The following MYL4 variants were observed in gnomAD, a reference collection of about 807,000 sequenced individuals.
MYL4 encodes the protein atrial myosin light chain 1.
In MYL4, 16 loss-of-function variants were observed where a neutral mutation model predicts 21.6. The ratio of observed to expected loss-of-function variants is 0.74; its 90% CI spans 0.50 to 1.12. The LOEUF (loss-of-function observed/expected upper bound fraction) is 1.12, where lower values mean the gene tolerates loss of function less well. MYL4 is among the 50% of genes most tolerant of loss of function. The pLI is 0.00. For synonymous variants in MYL4, 82 were observed against 95.7 expected (o/e 0.86, Z 0.83); for missense variants, 249 against 252.9 (o/e 0.98, Z 0.11).
At chr17:47,212,589 T>G (rs764860968) in intron 1 of MYL4, among the ~76,000 whole-genome samples, 2 of 152,202 alleles carry the variant, frequency 1.3e-5, no homozygotes, top group Non-Finnish European at 2.9e-5. Context: ...GCTTTTATGT[T>G]TGAGTCTAGA....
chr17:47,201,424 G>A (rs16941650), intron 1 of MYL4, among the ~76,000 whole-genome samples: 36,801 of 151,490 alleles, frequency 0.24, 4,710 homozygotes, highest in Non-Finnish European at 0.27. Flanking sequence ...TCCATGCAAC[G>A]CCTTTCTTGT....
At chr17:47,222,576 C>A in intron 5 of MYL4, 119 bp downstream of exon 5, 1 of 816,448 alleles carries the variant, frequency 1.2e-6, no homozygotes, top group South Asian at 1.6e-5. Context: ...GTAGACCCCC[C>A]ATTGGATGTT....
At chr17:47,221,600 G>A in intron 3 of MYL4, 82 bp from the exon 4 acceptor site, 1 of 1,497,032 alleles carries the variant, frequency 6.7e-7, no homozygotes, top group Non-Finnish European at 9.0e-7. Context: ...GTCAGACTTG[G>A]GGTGAGGCCC....
At chr17:47,203,487 T>C (rs1418192916) in intron 1 of MYL4, among the ~76,000 whole-genome samples, 1 of 152,184 alleles carries the variant, frequency 6.6e-6, no homozygotes, top group Admixed American at 6.5e-5. Flanking sequence ...TATCTGCTTG[T>C]TTTTTAAAAA....
chr17:47,204,491 C>T (rs2064720079), upstream of MYL4, among the ~76,000 whole-genome samples: 1 of 152,148 alleles, frequency 6.6e-6, no homozygotes, highest in African/African-American at 2.4e-5. Flanking sequence ...CATGTGCCAC[C>T]TGTATTAACT....
At chr17:47,191,628 G>A in the MYL4 span, among the ~76,000 whole-genome samples, 11 of 152,008 alleles carry the variant, frequency 7.2e-5, no homozygotes, top group African/African-American at 2.4e-4. Flanking sequence ...GCACCACCAC[G>A]CCCGGTTAAT....
At chr17:47,213,378 C>T (rs2064790005) in intron 1 of MYL4, among the ~76,000 whole-genome samples, 1 of 152,130 alleles carries the variant, frequency 6.6e-6, no homozygotes, top group Non-Finnish European at 1.5e-5. Context: ...ATGCTCAAGT[C>T]TCCTATATAA....
At chr17:47,213,440 C>A (rs190761577) in intron 1 of MYL4, among the ~76,000 whole-genome samples, 3 of 152,310 alleles carry the variant, frequency 2.0e-5, no homozygotes, top group South Asian at 2.1e-4. Flanking sequence ...TAATTTAAAT[C>A]ATCTCTAGGT....
upstream of MYL4, among the ~76,000 whole-genome samples, chr17:47,207,282 G>A (rs184614355): frequency 7.2e-5 from 11 of 152,312 alleles, no homozygotes; most frequent in Middle Eastern, 3.4e-3. Flanking sequence ...AGGAGGAGCA[G>A]TGAAGAGCAG....
chr17:47,223,705 T>A (rs935570017), downstream of MYL4: 3 of 152,286 alleles, frequency 2.0e-5, no homozygotes, highest in South Asian at 2.1e-4. Context: ...TTTGTTTTTT[T>A]AAAACTAATT....
At chr17:47,211,736 T>C (rs902448469) in intron 1 of MYL4, among the ~76,000 whole-genome samples, 24 of 151,950 alleles carry the variant, frequency 1.6e-4, no homozygotes, top group Non-Finnish European at 3.5e-4. Context: ...TGGGTCCTCA[T>C]GAATGGAGGT....
At chr17:47,215,989 G>C (rs892550765) in intron 2 of MYL4, among the ~76,000 whole-genome samples, 1 of 151,908 alleles carries the variant, frequency 6.6e-6, no homozygotes, top group African/African-American at 2.4e-5. Context: ...ATTTTGCCCA[G>C]ACTGGACTCC....
At chr17:47,201,111 G>T (rs1480492173) in intron 1 of MYL4, among the ~76,000 whole-genome samples, 1 of 152,224 alleles carries the variant, frequency 6.6e-6, no homozygotes, top group Non-Finnish European at 1.5e-5. Context: ...GGCAGAGGTT[G>T]CAGTAAGAGA....
At chr17:47,191,531 C>T in the MYL4 span, among the ~76,000 whole-genome samples, 15 of 152,184 alleles carry the variant, frequency 9.9e-5, no homozygotes, top group Middle Eastern at 0.01. Flanking sequence ...AGTGTAATGG[C>T]GCAATCTCGG....
the MYL4 span, among the ~76,000 whole-genome samples, chr17:47,195,260 G>C: frequency 7.1e-6 from 1 of 140,488 alleles, no homozygotes; most frequent in East Asian, 2.1e-4. Flanking sequence ...ACGGGGTTTT[G>C]CTCTTGTTGC....
chr17:47,216,657 C>T (rs1200085630), intron 2 of MYL4, among the ~76,000 whole-genome samples: 1 of 151,726 alleles, frequency 6.6e-6, no homozygotes, highest in Non-Finnish European at 1.5e-5. Flanking sequence ...CAGGTTTCAC[C>T]CTCTTATTAA....
At chr17:47,200,001 A>G (rs994710478), upstream of MYL4, among the ~76,000 whole-genome samples, 3 of 151,236 alleles carry the variant, frequency 2.0e-5, no homozygotes, top group Admixed American at 2.0e-4. Context: ...TTGGCCTCCC[A>G]AAGTGCTGGA....
In MYL4 at chr17:47,209,426, G is replaced by A. The variant is rs1219888007; in HGVS notation, c.4G>A (p.Ala2Thr). The change falls in exon 1 of 7, where the codon GCT becomes ACT. Residue 2 changes from alanine (A) to threonine (T), a missense_variant. Physicochemically the swap from Ala to Thr is moderately conservative, Grantham distance 58 (BLOSUM62 0). Transcript: ENST00000393450. ...CCAAAGATCCCAACAAGACAACATGGCTCCCAAGAAGCCTGAGCCTAAGAA... is the reference window on the plus strand; with the variant it reads ...CCAAAGATCCCAACAAGACAACATGACTCCCAAGAAGCCTGAGCCTAAGAA... MAPKKPEPKKEA... is the reference protein window; with the variant it reads MTPKKPEPKKEA... 1 of 1,614,164 alleles carries A rather than the reference G, an allele frequency of 6.2e-7. No homozygotes were observed. Among genetic ancestry groups the A allele is most frequent in the Non-Finnish European group, 8.5e-7 (1 of 1,180,036 alleles).
At chr17:47,203,011 G>A (rs910729614) in intron 1 of MYL4, among the ~76,000 whole-genome samples, 8 of 152,098 alleles carry the variant, frequency 5.3e-5, no homozygotes, top group African/African-American at 1.7e-4. Flanking sequence ...GAGTGCAGTG[G>A]TACAATCTCG....
Sources: gnomAD v4.1 joint callset for allele counts (sites outside exome capture counted in the v4.1 genomes callset) on GRCh38, gnomAD v4.1.1 for gene constraint, MANE v1.5 for transcripts, NCBI Gene and HGNC (gene_info 2026-07-23, HGNC 2026-07-21) for gene names.